The following CREB1 variants were observed in gnomAD, a reference collection of about 807,000 sequenced individuals.
CREB1 encodes cyclic AMP-responsive element-binding protein 1.
CREB1 carries 2 observed loss-of-function variants against 42.0 expected under a neutral mutation model. That is an observed-to-expected ratio of 0.05 (90% CI 0.02 to 0.15). The LOEUF is 0.15. CREB1 is among the 10% of genes least tolerant of loss of function. The pLI, the probability that CREB1 is intolerant of heterozygous loss-of-function variation, is 1.00. For synonymous variants in CREB1, 123 were observed against 139.9 expected (o/e 0.88, Z 0.85); for missense variants, 199 against 388.9 (o/e 0.51, Z 4.11).
chr2:207,537,434 G>A (rs938962220), intron 1 of CREB1, among the ~76,000 whole-genome samples: 2 of 152,186 alleles, frequency 1.3e-5, no homozygotes, highest in Admixed American at 1.3e-4. Context: ...CATATCTGTA[G>A]ACTAACAGAG....
At chr2:207,573,893 A>G (rs1015648109) in intron 5 of CREB1, among the ~76,000 whole-genome samples, 2 of 152,268 alleles carry the variant, frequency 1.3e-5, no homozygotes, top group African/African-American at 4.8e-5. Context: ...GGATTCACTC[A>G]TTAACTCTAA....
chr2:207,577,696 G>T, intron 7 of CREB1, 41 bp downstream of exon 7: 1 of 1,605,064 alleles, frequency 6.2e-7, no homozygotes, highest in Non-Finnish European at 8.5e-7. Flanking sequence ...TGTGTTAAGT[G>T]TGTCTTCACA....
At position 207,602,496 on chromosome 2, in the gene CREB1, A is replaced by G. The variant is rs149111106; in HGVS notation, c.*5438A>G. Reference sequence around the variant, plus strand: ...ACATTTGACCTAACATTACTTGCCTATAGAAGTATGGCATTTCCAAGCTTT... The same window carrying G: ...ACATTTGACCTAACATTACTTGCCTGTAGAAGTATGGCATTTCCAAGCTTT... On this transcript the variant is annotated 3_prime_UTR_variant, in exon 8 of 8. Coordinates refer to ENST00000353267, the MANE Select transcript of CREB1 (RefSeq NM_004379.5). 2.0e-3 allele frequency: 408 copies of G among 204,986 alleles called. No individual in the cohort carries two copies. Among genetic ancestry groups the G allele is most frequent in the African/African-American group, 8.1e-3 (353 of 43,850 alleles). 12.7% of individuals were successfully genotyped at this position (204,986 alleles called of 1,614,324 possible).
intron 7 of CREB1, among the ~76,000 whole-genome samples, chr2:207,595,223 T>A (rs1224476778): frequency 6.6e-6 from 1 of 151,918 alleles, no homozygotes. Context: ...CTTGAACTCC[T>A]GACCTCATGA....
intron 3 of CREB1, among the ~76,000 whole-genome samples, chr2:207,560,634 G>A (rs563824103): frequency 6.6e-6 from 1 of 152,352 alleles, no homozygotes; most frequent in African/African-American, 2.4e-5. Flanking sequence ...ATGAGATAAA[G>A]TGGAAGTGTT....
chr2:207,567,667 T>C, intron 4 of CREB1, 104 bp downstream of exon 4: 1 of 636,368 alleles, frequency 1.6e-6, no homozygotes, highest in East Asian at 2.9e-5. Context: ...CAGTTCCTTA[T>C]AGATTACTTT....
In CREB1 at chr2:207,575,279, T is replaced by C. The variant is rs754529445; in HGVS notation, c.513T>C (p.Ile171=). The C allele has an allele frequency of 3.1e-5, 50 of 1,613,092 alleles. No individual in the cohort carries two copies. The highest frequency in any genetic ancestry group is 4.2e-5 in the Non-Finnish European group (50 of 1,179,316). ...AAATCCATTGGCTTTTAGTTGCCAT[T>C]ACCCAGGGAGGAGCAATACAGCTGG... ...YQTSSGQYIA[I]TQGGAIQLAN... The change falls in exon 6 of 8, where the codon ATT becomes ATC. Residue 171 remains isoleucine (I), a synonymous_variant. Transcript: ENST00000353267.
Position 207,603,254 on chromosome 2 carries a change from G to T in CREB1, c.*6196G>T, listed in dbSNP as rs2087420309. On this transcript the variant is annotated 3_prime_UTR_variant, in exon 8 of 8. Transcript: ENST00000353267. ...TTTTATTAACACTATGTACATAATA[G>T]CTGCTTTGTGTTCAGAATAGTAGCA... 1 of 220,826 alleles carries T rather than the reference G, an allele frequency of 4.5e-6. No homozygotes were observed. The allele number at this position is 220,826 out of a possible 1,614,324, so 13.7% of individuals were successfully genotyped here.
rs1189145630 is a variant in CREB1 at position 207,560,339 on chromosome 2, A to G, written c.228A>G (p.Ser76=). The change falls in exon 3 of 8, where the codon TCA becomes TCG. Residue 76 remains serine (S), a synonymous_variant. Transcript: ENST00000353267. ...VHGVIQAAQP[S]VIQSPQVQTV... ...GAGTCATTCAGGCGGCCCAGCCATC[A>G]GTTATTCAGTCTCCACAAGTCCAAA... 1 of 1,614,046 alleles carries G rather than the reference A, an allele frequency of 6.2e-7. No homozygotes were observed. The highest frequency in any genetic ancestry group is 1.1e-5 in the South Asian group (1 of 91,074).
chr2:207,597,310 C>A lies in CREB1; in HGVS notation c.*252C>A. 1 of 390,382 alleles carries A rather than the reference C, an allele frequency of 2.6e-6. No individual in the cohort carries two copies. Among genetic ancestry groups the A allele is most frequent in the African/African-American group, 2.1e-5 (1 of 47,930 alleles). The allele number at this position is 390,382 out of a possible 1,614,324, so 24.2% of individuals were successfully genotyped here. On this transcript the variant is annotated 3_prime_UTR_variant, in exon 8 of 8. Transcript: ENST00000353267. ...ATGAAGAGACTTCTGCTTTTCAACC[C>A]CCACCCTCCTCAAGAAGTAATAATT...
intron 1 of CREB1, among the ~76,000 whole-genome samples, chr2:207,541,415 G>T (rs755747660): frequency 7.2e-5 from 11 of 151,938 alleles, no homozygotes; most frequent in South Asian, 2.1e-4. Flanking sequence ...TATTTTTACT[G>T]TACCTTTTCT....
In CREB1 at chr2:207,531,096, AAC is replaced by A. The variant is rs1013403427; in HGVS notation, c.-9+964_-9+965del. 8.5e-5 allele frequency among the ~76,000 whole-genome samples: 13 copies of A among 152,082 alleles called. No individual in the cohort carries two copies. In the South Asian group the frequency reaches 2.5e-3, roughly 29 times the overall value. ...TATAAAAGGGAAGCTGGTGTTTGAA[AAC>A]AGTTTCGGTTTTAACCCTTTTTAAT... is the stretch of plus-strand genomic sequence containing the variant. On this transcript the variant is annotated intron_variant, in intron 1 of 7. Transcript: ENST00000353267.
At chr2:207,563,070 A>G (rs1175537829) in intron 3 of CREB1, among the ~76,000 whole-genome samples, 1 of 152,214 alleles carries the variant, frequency 6.6e-6, no homozygotes, top group Non-Finnish European at 1.5e-5. Flanking sequence ...GGGATGGAGA[A>G]TGATGTGGAG....
rs1370412517 is a variant in CREB1 at position 207,600,623 on chromosome 2, C to G, written c.*3565C>G. ...AACCACTGATTTTTTCAAAAATCATCCTGGGGGAGGAATTTTGGCATTTCA... is the reference window on the plus strand; with the variant it reads ...AACCACTGATTTTTTCAAAAATCATGCTGGGGGAGGAATTTTGGCATTTCA... On this transcript the variant is annotated 3_prime_UTR_variant, in exon 8 of 8. Transcript: ENST00000353267. 4 of 211,912 alleles carry G rather than the reference C, an allele frequency of 1.9e-5. No individual in the cohort carries two copies. The highest frequency in any genetic ancestry group is 2.9e-5 in the Non-Finnish European group (3 of 104,598). 13.1% of individuals were successfully genotyped at this position (211,912 alleles called of 1,614,324 possible).
intron 7 of CREB1, among the ~76,000 whole-genome samples, chr2:207,578,299 A>C (rs187554948): frequency 2.9e-4 from 44 of 152,344 alleles, no homozygotes; most frequent in African/African-American, 8.4e-4. Context: ...CAAAAACAAT[A>C]AAAATAAGTT....
chr2:207,573,008 TAGAAA>T (rs2082431568), intron 5 of CREB1, among the ~76,000 whole-genome samples: 1 of 152,242 alleles, frequency 6.6e-6, no homozygotes, highest in Non-Finnish European at 1.5e-5. Flanking sequence ...TGCTCTTAGA[TAGAAA>T]ATGTGTATCT....
Position 207,567,349 on chromosome 2 carries a change from T to A in CREB1, c.262-114T>A, listed in dbSNP as rs913066933. 2.9e-5 allele frequency: 19 copies of A among 650,584 alleles called. No individual in the cohort carries two copies. The African/African-American group carries it at 3.1e-4, about 11-fold the overall frequency. 40.3% of individuals were successfully genotyped at this position (650,584 alleles called of 1,614,324 possible). A position where few individuals can be genotyped will look rare whatever the true frequency, so the allele number is the denominator to read the frequency against. On this transcript the variant is annotated intron_variant, in intron 3 of 7. Coordinates refer to ENST00000353267, the MANE Select transcript of CREB1 (RefSeq NM_004379.5). ...TGTGGTTGTCTCCCATAAGAACTGA[T>A]TTTTTTCTACTGAAGCATGTATAAA...
rs554170885 is a variant in CREB1, at chr2:207,578,516, C to T, written c.839+861C>T. On this transcript the variant is annotated intron_variant, in intron 7 of 7. Coordinates refer to ENST00000353267, the MANE Select transcript of CREB1 (RefSeq NM_004379.5). ...CCTCCATTTTGGGAGAAGGTATTAA[C>T]CTTCTGTACCTCAGTTTTGTAAAAT... Among the ~76,000 whole-genome samples, 4 of 152,264 alleles carry T rather than the reference C, an allele frequency of 2.6e-5. No individual in the cohort carries two copies. The South Asian group carries it at 8.3e-4, about 32-fold the overall frequency.
chr2:207,540,379 G>A (rs189397990), intron 1 of CREB1, among the ~76,000 whole-genome samples: 4 of 151,846 alleles, frequency 2.6e-5, no homozygotes, highest in Admixed American at 6.6e-5. Flanking sequence ...GGTGGCTCAC[G>A]CCTGTAATCC....
Sources: gnomAD v4.1 joint callset for allele counts (sites outside exome capture counted in the v4.1 genomes callset) on GRCh38, gnomAD v4.1.1 for gene constraint, MANE v1.5 for transcripts, NCBI Gene and HGNC (gene_info 2026-07-23, HGNC 2026-07-21) for gene names.